SLAMF9: variants seen among roughly 807,000 people sequenced by gnomAD.
SLAMF9 encodes the protein CD2 family member 10.
A neutral mutation model predicts 30.4 loss-of-function variants in SLAMF9; 25 were observed. The observed-to-expected ratio is 0.82, with a 90% CI of 0.60 to 1.15. SLAMF9 has a LOEUF of 1.15. SLAMF9 is among the 50% of genes most tolerant of loss of function. The pLI, the probability that SLAMF9 is intolerant of heterozygous loss-of-function variation, is 0.00. For missense variants in SLAMF9, 344 were observed against 346.1 expected, an observed-to-expected ratio of 0.99 and a Z score of 0.05; for synonymous variants, 129 against 127.2, an observed-to-expected ratio of 1.01 and a Z score of -0.09.
rs370276711 is a variant in SLAMF9, at chr1:159,951,644, G to C, written c.*17C>G. On this transcript the variant is annotated 3_prime_UTR_variant, in exon 4 of 4. Coordinates refer to ENST00000368093, the MANE Select transcript of SLAMF9 (RefSeq NM_033438.4). Reference sequence around the variant, plus strand: ...TGGGAAGAAACCAAGCTCAGGACTGGGGTTCCCAAGGAGCAGTCAGGCAGG... The same window carrying C: ...TGGGAAGAAACCAAGCTCAGGACTGCGGTTCCCAAGGAGCAGTCAGGCAGG... 6.2e-7 allele frequency: 1 copy of C among 1,612,338 alleles called. No homozygotes were observed. Among genetic ancestry groups the C allele is most frequent in the Non-Finnish European group, 8.5e-7 (1 of 1,179,098 alleles).
the SLAMF9 span, among the ~76,000 whole-genome samples, chr1:159,980,340 C>G: frequency 6.6e-6 from 1 of 152,128 alleles, no homozygotes; most frequent in Non-Finnish European, 1.5e-5. Flanking sequence ...CATCCCCCGA[C>G]GCCCTCCACC....
chr1:159,973,160 G>A, the SLAMF9 span: 1 of 1,535,024 alleles, frequency 6.5e-7, no homozygotes, highest in Non-Finnish European at 9.0e-7. Flanking sequence ...TGTGGAAGGA[G>A]AAAAGGAGCC....
intron 1 of SLAMF9, among the ~76,000 whole-genome samples, 172 bp from the exon 2 acceptor site, chr1:159,953,825 G>A (rs1651860297): frequency 6.6e-6 from 1 of 152,288 alleles, no homozygotes; most frequent in Non-Finnish European, 1.5e-5. Context: ...CTTTCCCTGA[G>A]TTAAGCACCT....
chr1:159,953,400 C>A lies in SLAMF9; in HGVS notation c.300G>T (p.Leu100=). The change falls in exon 2 of 4, where the codon CTG becomes CTT. Residue 100 remains leucine, a synonymous_variant. Transcript: ENST00000368093. ...DPSYSLHISN[L]SWEDSGLYQA... ...GGTAAAGCCCTGAATCCTCCCAGCTCAGATTGCTGATATGCAGGGAATAGC... is the reference window on the plus strand; with the variant it reads ...GGTAAAGCCCTGAATCCTCCCAGCTAAGATTGCTGATATGCAGGGAATAGC... 1 of 1,614,250 alleles carries A rather than the reference C, an allele frequency of 6.2e-7. No individual in the cohort carries two copies. The highest frequency in any genetic ancestry group is 8.5e-7 in the Non-Finnish European group (1 of 1,180,044).
the SLAMF9 span, among the ~76,000 whole-genome samples, chr1:159,982,446 C>T: frequency 2.0e-5 from 3 of 152,162 alleles, no homozygotes; most frequent in Admixed American, 6.6e-5. Flanking sequence ...ACACACTTCT[C>T]CCAGTGATCT....
the SLAMF9 span, among the ~76,000 whole-genome samples, chr1:159,966,725 G>C: frequency 6.6e-6 from 1 of 152,126 alleles, no homozygotes; most frequent in Non-Finnish European, 1.5e-5. Flanking sequence ...CTGATCCTGA[G>C]CATTTTTTAA....
the SLAMF9 span, among the ~76,000 whole-genome samples, chr1:159,977,968 G>A: frequency 6.6e-6 from 1 of 152,184 alleles, no homozygotes; most frequent in Non-Finnish European, 1.5e-5. Context: ...CTGACAGAAA[G>A]AGTGGTTAGA....
chr1:159,953,440 C>T lies in SLAMF9; in HGVS notation c.260G>A (p.Ser87Asn). 6.2e-7 allele frequency: 1 copy of T among 1,614,256 alleles called. No homozygotes were observed. Among genetic ancestry groups the T allele is most frequent in the Non-Finnish European group, 8.5e-7 (1 of 1,180,030 alleles). The change falls in exon 2 of 4, where the codon AGC becomes AAC. Residue 87 changes from serine (S) to asparagine (N), a missense_variant. Ser to Asn is a conservative substitution (Grantham distance 46, BLOSUM62 1). Coordinates refer to ENST00000368093, the MANE Select transcript of SLAMF9 (RefSeq NM_033438.4). Reference sequence around the variant, plus strand: ...CAGGGAATAGCTGGGGTCCAGGAAGCTCACTTGGCCCTGGTAGTGTGGATT... The same window carrying T: ...CAGGGAATAGCTGGGGTCCAGGAAGTTCACTTGGCCCTGGTAGTGTGGATT... ...VTNPHYQGQV[S>N]FLDPSYSLHI...
At position 159,953,591 on chromosome 1, in the gene SLAMF9, A is replaced by T. The variant is rs1651845246; in HGVS notation, c.109T>A (p.Ser37Thr). Residue 37 changes from serine to threonine, a missense_variant, in exon 2 of 4, where the codon TCC becomes ACC. Transcript: ENST00000368093. The part of the protein sequence containing the change: ...SEEVVAVLQE[S>T]ISLPLEIPPD... ...GGTATTTCCAGGGGGAGGCTGATGG[A>T]CTCCTGAAGGACCGCAACCACTTCC... 5.0e-6 allele frequency: 8 copies of T among 1,613,640 alleles called. No individual in the cohort carries two copies. The highest frequency in any genetic ancestry group is 6.8e-6 in the Non-Finnish European group (8 of 1,179,756).
upstream of SLAMF9, among the ~76,000 whole-genome samples, chr1:159,957,667 A>G (rs1651956601): frequency 6.6e-6 from 1 of 152,214 alleles, no homozygotes; most frequent in Non-Finnish European, 1.5e-5. Context: ...TTCTTACCAC[A>G]AAAAAAGATA....
In SLAMF9 at chr1:159,954,120, C is replaced by A. The variant is rs781731141; in HGVS notation, c.18G>T (p.Trp6Cys). The A allele has an allele frequency of 1.9e-6, 3 of 1,613,916 alleles. No individual in the cohort carries two copies. The highest frequency in any genetic ancestry group is 3.3e-5 in the Admixed American group (2 of 59,988). Residue 6 changes from tryptophan to cysteine, a missense_variant, in exon 1 of 4, where the codon TGG becomes TGT. By Grantham distance (215) the Trp-to-Cys change is radical (BLOSUM62 -2). Coordinates refer to ENST00000368093, the MANE Select transcript of SLAMF9 (RefSeq NM_033438.4). Reference protein sequence around the residue: MCAFPWLLLLLLLQEG... With the variant: MCAFPCLLLLLLLQEG... ...CCTGGAGCAGCAGGAGAAGAAGCAG[C>A]CAAGGAAAGGCACACATGTCAGCAG...
chr1:159,983,468 C>G, the SLAMF9 span: 2 of 152,104 alleles, frequency 1.3e-5, no homozygotes. Context: ...CAAATTCCCC[C>G]GAGGAGTGGA....
chr1:159,966,189 A>C, the SLAMF9 span, among the ~76,000 whole-genome samples: 5 of 152,104 alleles, frequency 3.3e-5, no homozygotes, highest in East Asian at 9.6e-4. Context: ...TCCACATCTA[A>C]ATAAGATCAT....
At chr1:159,962,735 A>G in the SLAMF9 span, among the ~76,000 whole-genome samples, 2 of 152,348 alleles carry the variant, frequency 1.3e-5, no homozygotes, top group Admixed American at 1.3e-4. Flanking sequence ...GTTATCTGCT[A>G]AAACTGAAGG....
the SLAMF9 span, chr1:159,973,730 C>T: frequency 3.5e-6 from 5 of 1,421,696 alleles, no homozygotes; most frequent in Non-Finnish European, 2.0e-6. Flanking sequence ...CAGAGAGCTA[C>T]TGATCTCTAG....
the SLAMF9 span, chr1:159,972,983 C>G: frequency 7.5e-7 from 1 of 1,326,296 alleles, no homozygotes; most frequent in Non-Finnish European, 9.9e-7. Flanking sequence ...GTCGCCACTC[C>G]CTCGCTCATT....
Position 159,952,340 on chromosome 1 carries a change from G to A in SLAMF9, c.586C>T (p.Leu196Phe), listed in dbSNP as rs371885960. The A allele has an allele frequency of 5.9e-5, 96 of 1,613,950 alleles. No individual in the cohort carries two copies. The highest frequency in any genetic ancestry group is 6.9e-5 in the Non-Finnish European group (81 of 1,179,998). The change falls in exon 3 of 4, where the codon CTC (leucine) becomes TTC (phenylalanine). Residue 196 changes from leucine to phenylalanine, a missense_variant. Coordinates refer to ENST00000368093, the MANE Select transcript of SLAMF9 (RefSeq NM_033438.4). ...STSWRPGDSA[L>F]SYTCRANNPI... ...TTGTTGGCTCTGCAGGTGTAGGAGA[G>A]GGCACTGTCCCCCGGCCTCCAGGAT...
At chr1:159,974,228 G>A in the SLAMF9 span, among the ~76,000 whole-genome samples, 1 of 152,114 alleles carries the variant, frequency 6.6e-6, no homozygotes, top group Non-Finnish European at 1.5e-5. Flanking sequence ...AGAAGGGCAG[G>A]ACCTGGACTT....
At chr1:159,958,591 G>T (rs1651979403), upstream of SLAMF9, among the ~76,000 whole-genome samples, 3 of 152,058 alleles carry the variant, frequency 2.0e-5, no homozygotes, top group South Asian at 6.2e-4. Flanking sequence ...CTCCCAACTA[G>T]CTGGGACTAC....
Sources: gnomAD v4.1 joint callset for allele counts (sites outside exome capture counted in the v4.1 genomes callset) on GRCh38, gnomAD v4.1.1 for gene constraint, MANE v1.5 for transcripts, NCBI Gene and HGNC (gene_info 2026-07-23, HGNC 2026-07-21) for gene names.